The following GRK7 variants were observed in gnomAD, a reference collection of about 807,000 sequenced individuals.
GRK7 encodes the protein rhodopsin kinase GRK7.
In GRK7, 24 loss-of-function variants were observed where a neutral mutation model predicts 34.1. That is an observed-to-expected ratio of 0.70 (90% CI 0.51 to 0.99). GRK7 has a LOEUF of 0.99. Among genes scored for constraint, GRK7 ranks in the 50% least tolerant of loss-of-function variants. GRK7 has a pLI of 0.00. For synonymous variants in GRK7, 256 were observed against 279.4 expected, an observed-to-expected ratio of 0.92 and a Z score of 0.84; for missense variants, 644 against 707.3, an observed-to-expected ratio of 0.91 and a Z score of 1.02.
In GRK7 at chr3:141,778,606, G is replaced by A. The variant is rs2084654022; in HGVS notation, c.322G>A (p.Gly108Arg). 6.2e-7 allele frequency: 1 copy of A among 1,612,366 alleles called. No homozygotes were observed. Among genetic ancestry groups the A allele is most frequent in the Admixed American group, 1.7e-5 (1 of 59,960 alleles). The change falls in exon 3 of 6, where the codon GGG (glycine) becomes AGG (arginine). Residue 108 changes from glycine to arginine, a missense_variant. Physicochemically the swap from Gly to Arg is moderately radical, Grantham distance 125. Transcript: ENST00000682958. This position sits in a 1 kb window ranked among gnomAD's most constrained non-coding sequence, Gnocchi z 4.1. ...EGPTKDSALQ[G>R]LVATCASAPA... Reference sequence around the variant, plus strand: ...ACCCACCAAAGACAGCGCGCTGCAGGGGCTGGTGGCCACTTGTGCGAGTGC... The same window carrying A: ...ACCCACCAAAGACAGCGCGCTGCAGAGGCTGGTGGCCACTTGTGCGAGTGC...
chr3:141,794,558 G>A (rs2084740504), intron 4 of GRK7, among the ~76,000 whole-genome samples: 1 of 152,266 alleles, frequency 6.6e-6, no homozygotes, highest in South Asian at 2.1e-4. Context: ...AGGACTTTGG[G>A]TGATCGTCTC....
chr3:141,768,924 A>G (rs910175669), intron 1 of GRK7, among the ~76,000 whole-genome samples: 2 of 152,014 alleles, frequency 1.3e-5, no homozygotes, highest in African/African-American at 4.8e-5. Context: ...CCTCCCTTAC[A>G]GGCTCATCCT....
chr3:141,803,071 T>A (rs1577924120), intron 4 of GRK7, among the ~76,000 whole-genome samples: 1 of 152,248 alleles, frequency 6.6e-6, no homozygotes, highest in Non-Finnish European at 1.5e-5. Flanking sequence ...ACCTAGAGTT[T>A]ATCACTGACA....
chr3:141,807,983 A>G, intron 5 of GRK7, 64 bp downstream of exon 5: 1 of 1,411,792 alleles, frequency 7.1e-7, no homozygotes, highest in Non-Finnish European at 9.5e-7. Flanking sequence ...TTAGGAGAAT[A>G]CTTTTGATTT....
At chr3:141,798,975 G>T (rs1710922129) in intron 4 of GRK7, among the ~76,000 whole-genome samples, 1 of 152,176 alleles carries the variant, frequency 6.6e-6, no homozygotes, top group Non-Finnish European at 1.5e-5. Context: ...CTACACCAGG[G>T]GGTCTACAGT....
chr3:141,780,603 A>G lies in GRK7; in HGVS notation c.842A>G (p.Tyr281Cys). Residue 281 changes from tyrosine (Y) to cysteine (C), a missense_variant, in exon 4 of 6, where the codon TAC (tyrosine) becomes TGC (cysteine). Coordinates refer to ENST00000682958, the MANE Select transcript of GRK7 (RefSeq NM_139209.3). ...GGGGGAGACCTCAAGTTCCACATCT[A>G]CAACGTGGGCACGCGTGGCCTGGAC... Reference protein sequence around the residue: ...MNGGDLKFHIYNVGTRGLDMS... With the variant: ...MNGGDLKFHICNVGTRGLDMS... 1 of 1,614,212 alleles carries G rather than the reference A, an allele frequency of 6.2e-7. No homozygotes were observed. The highest frequency in any genetic ancestry group is 8.5e-7 in the Non-Finnish European group (1 of 1,180,040).
chr3:141,790,374 T>C (rs567308935), intron 4 of GRK7, among the ~76,000 whole-genome samples: 89 of 152,256 alleles, frequency 5.8e-4, no homozygotes, highest in African/African-American at 2.1e-3. Context: ...GTGATGACAT[T>C]AGCATATCTT....
intron 4 of GRK7, among the ~76,000 whole-genome samples, chr3:141,783,974 T>G (rs145639555): frequency 3.0e-4 from 45 of 152,296 alleles, no homozygotes; most frequent in African/African-American, 9.1e-4. Context: ...GTGCAGCACT[T>G]CACAGTTTGG....
chr3:141,805,659 A>G (rs1420078768), intron 4 of GRK7, among the ~76,000 whole-genome samples: 2 of 152,206 alleles, frequency 1.3e-5, no homozygotes, highest in African/African-American at 2.4e-5. Context: ...ATCACTCTTC[A>G]TTAGTACTTG....
intron 4 of GRK7, among the ~76,000 whole-genome samples, chr3:141,783,336 T>C (rs553204579): frequency 3.3e-5 from 5 of 152,334 alleles, no homozygotes; most frequent in African/African-American, 1.2e-4. Context: ...ATATCTGGGC[T>C]GAGGAGAAGA....
chr3:141,754,194 G>T, the GRK7 span, among the ~76,000 whole-genome samples: 1 of 152,164 alleles, frequency 6.6e-6, no homozygotes, highest in Non-Finnish European at 1.5e-5. Context: ...AAGTCCAGGG[G>T]TAGGAAGTCC....
intron 4 of GRK7, among the ~76,000 whole-genome samples, chr3:141,796,045 T>C (rs1710868659): frequency 6.6e-6 from 1 of 152,200 alleles, no homozygotes; most frequent in African/African-American, 2.4e-5. Flanking sequence ...AGCATTCATT[T>C]AGATCATGCG....
Position 141,778,378 on chromosome 3 carries a change from C to A in GRK7, c.94C>A (p.Arg32=), listed in dbSNP as rs764098462. ...GGACTGCGACAGCAAAGAGCTGCAG[C>A]GGCGGCGGCGTAGCCTGGCCCTGCC... ...PSDCDSKELQ[R]RRRSLALPGL... is the part of the protein sequence containing the mutation. Residue 32 remains arginine, a synonymous_variant, in exon 3 of 6, where the codon CGG becomes AGG. Transcript: ENST00000682958. The surrounding 1 kb of genome is among the most constrained non-coding windows in gnomAD (Gnocchi z 4.1). 2 of 1,611,366 alleles carry A rather than the reference C, an allele frequency of 1.2e-6. No individual in the cohort carries two copies. Among genetic ancestry groups the A allele is most frequent in the East Asian group, 4.5e-5 (2 of 44,840 alleles).
At position 141,778,297 on chromosome 3, in the gene GRK7, G is replaced by T; in HGVS notation, c.13G>T (p.Gly5Trp). 1 of 1,571,896 alleles carries T rather than the reference G, an allele frequency of 6.4e-7. No homozygotes were observed. Among genetic ancestry groups the T allele is most frequent in the Non-Finnish European group, 8.6e-7 (1 of 1,156,496 alleles). The change falls in exon 3 of 6, where the codon GGG becomes TGG. Residue 5 changes from glycine (G) to tryptophan (W), a missense_variant. Coordinates refer to ENST00000682958, the MANE Select transcript of GRK7 (RefSeq NM_139209.3). The surrounding 1 kb of genome is among the most constrained non-coding windows in gnomAD (Gnocchi z 4.1). Reference protein sequence around the residue: MVDMGALDNLIANTA... With the variant: MVDMWALDNLIANTA... The stretch of plus-strand genomic sequence containing the variant: ...CCCGTGCTCAGCCATGGTGGACATG[G>T]GGGCCCTGGACAACCTGATCGCCAA...
At chr3:141,815,227 TTTTTTTTG>T (rs1433995266) in intron 5 of GRK7, among the ~76,000 whole-genome samples, 1 of 93,612 alleles carries the variant, frequency 1.1e-5, no homozygotes, top group African/African-American at 4.7e-5. Context: ...GTCTGGTTGG[TTTTTTTTG>T]TTTGTTTGTT....
Position 141,816,713 on chromosome 3 carries a change from G to C in GRK7, c.1326-1G>C. ...AGGCTGATCATCTCCTTTCTTCACA[G>C]AGAAAAGTCTGATGATCCCAGGAAA... is the stretch of plus-strand genomic sequence containing the variant. On this transcript the variant is annotated splice_acceptor_variant, in intron 5 of 5. Transcript: ENST00000682958. LOFTEE classifies it high-confidence loss of function. The C allele has an allele frequency of 6.6e-7, 1 of 1,514,406 alleles. No individual in the cohort carries two copies. Among genetic ancestry groups the C allele is most frequent in the Non-Finnish European group, 8.8e-7 (1 of 1,130,462 alleles). The allele number at this position is 1,514,406 out of a possible 1,614,324, so 93.8% of individuals were successfully genotyped here. A position where few individuals can be genotyped will look rare whatever the true frequency, so the allele number is the denominator to read the frequency against.
intron 4 of GRK7, among the ~76,000 whole-genome samples, chr3:141,804,595 G>A (rs80097886): frequency 6.7e-6 from 1 of 148,168 alleles, no homozygotes; most frequent in Middle Eastern, 3.4e-3. Flanking sequence ...ACACATACAG[G>A]CACTCACACA....
At chr3:141,809,721 A>G (rs1046481063) in intron 5 of GRK7, among the ~76,000 whole-genome samples, 8 of 152,158 alleles carry the variant, frequency 5.3e-5, no homozygotes, top group Non-Finnish European at 1.2e-4. Context: ...CTATAGAAGA[A>G]AAAAAGACGT....
At position 141,778,115 on chromosome 3, in the gene GRK7, G is replaced by C; in HGVS notation, c.-113-57G>C. ...GTTCCTGGCGGGCTATACATAGCCA[G>C]TCAAAGCTTCTTACAAGAGAAACCT... On this transcript the variant is annotated intron_variant, in intron 2 of 5. Transcript: ENST00000682958. The surrounding 1 kb of genome is among the most constrained non-coding windows in gnomAD (Gnocchi z 4.1). The C allele has an allele frequency of 2.5e-6, 2 of 792,268 alleles. No homozygotes were observed. Among genetic ancestry groups the C allele is most frequent in the East Asian group, 2.8e-5 (1 of 36,300 alleles). The allele number at this position is 792,268 out of a possible 1,614,324, so 49.1% of individuals were successfully genotyped here. A position where few individuals can be genotyped will look rare whatever the true frequency, so the allele number is the denominator to read the frequency against.
Sources: gnomAD v4.1 joint callset for allele counts (sites outside exome capture counted in the v4.1 genomes callset) on GRCh38, gnomAD v4.1.1 for gene constraint, Gnocchi (gnomAD v3.1) non-coding constraint, MANE v1.5 for transcripts, NCBI Gene and HGNC (gene_info 2026-07-23, HGNC 2026-07-21) for gene names.